Variants in CPLX4 observed in about 807,000 individuals in gnomAD.
CPLX4 encodes complexin 4.
In CPLX4, 17 loss-of-function variants were observed where a neutral mutation model predicts 16.1. That is an observed-to-expected ratio of 1.06 (90% CI 0.72 to 1.59). The LOEUF (loss-of-function observed/expected upper bound fraction) is 1.59. CPLX4 is among the 40% of genes most tolerant of loss of function. CPLX4 has a pLI of 0.00. For synonymous variants in CPLX4, 55 were observed against 57.8 expected (o/e 0.95, Z 0.22); for missense variants, 193 against 192.9 (o/e 1.00, Z 0.00).
intron 1 of CPLX4, among the ~76,000 whole-genome samples, chr18:59,317,682 A>G (rs1353757216): frequency 1.3e-5 from 2 of 152,086 alleles, no homozygotes; most frequent in Non-Finnish European, 2.9e-5. Flanking sequence ...ATTTTATGTC[A>G]TAGGTATATG....
At chr18:59,309,745 C>A (rs1254464178) in intron 2 of CPLX4, among the ~76,000 whole-genome samples, 1 of 147,496 alleles carries the variant, frequency 6.8e-6, no homozygotes, top group East Asian at 2.0e-4. Flanking sequence ...ATGGGGTGAA[C>A]CCAGGAGGCA....
chr18:59,315,415 A>G (rs2070644936), intron 1 of CPLX4, among the ~76,000 whole-genome samples: 1 of 152,258 alleles, frequency 6.6e-6, no homozygotes, highest in East Asian at 1.9e-4. Flanking sequence ...AGTTCTTCAT[A>G]TTTCCTAGAT....
intron 1 of CPLX4, among the ~76,000 whole-genome samples, chr18:59,314,239 G>A (rs987836726): frequency 2.0e-5 from 3 of 152,122 alleles, no homozygotes; most frequent in African/African-American, 7.2e-5. Context: ...TGGACAAGCA[G>A]CAGACCTTTT....
In CPLX4 at chr18:59,312,768, C is replaced by A. The variant is rs773389769; in HGVS notation, c.172G>T (p.Glu58Ter). Residue 58 changes from glutamate (E) to a stop codon, truncating the protein, a stop_gained, in exon 2 of 3, where the codon GAA becomes TAA. Coordinates refer to ENST00000299721, the MANE Select transcript of CPLX4 (RefSeq NM_181654.4). LOFTEE classifies it high-confidence loss of function. ...YQKQMIEEKM[E>*]RDAAFTQKKA... ...TTCTGTGTAAATGCAGCATCTCTTT[C>A]CATCCTAAAAGTTAAAGAATAAAGG... 1.5e-6 allele frequency: 2 copies of A among 1,307,474 alleles called. No individual in the cohort carries two copies. Among genetic ancestry groups the A allele is most frequent in the South Asian group, 2.4e-5 (2 of 84,490 alleles). 81.0% of individuals were successfully genotyped at this position (1,307,474 alleles called of 1,614,324 possible).
At chr18:59,305,381 A>G (rs1051382392) in intron 2 of CPLX4, among the ~76,000 whole-genome samples, 2 of 151,782 alleles carry the variant, frequency 1.3e-5, no homozygotes, top group African/African-American at 4.8e-5. Context: ...ACAAACAAAC[A>G]AAAAACAGGA....
At chr18:59,297,038 G>A (rs7228681) in intron 2 of CPLX4, 113 bp from the exon 3 acceptor site, 404,349 of 1,456,132 alleles carry the variant, frequency 0.28, 57,543 homozygotes, top group South Asian at 0.35. Flanking sequence ...GAAGTGAGTG[G>A]CACTCTTGGC....
intron 2 of CPLX4, among the ~76,000 whole-genome samples, chr18:59,311,720 A>T (rs1446181091): frequency 1.3e-5 from 2 of 152,208 alleles, no homozygotes; most frequent in African/African-American, 2.4e-5. Context: ...CAGGTAGTGA[A>T]GGTGGAGTCA....
chr18:59,312,198 G>T (rs1397020191), intron 2 of CPLX4, among the ~76,000 whole-genome samples: 1 of 152,084 alleles, frequency 6.6e-6, no homozygotes, highest in Non-Finnish European at 1.5e-5. Context: ...TGTCCTTGTT[G>T]TGTATTTACA....
chr18:59,303,844 C>T lies in CPLX4; in HGVS notation c.256-6919G>A, dbSNP rs146150456. On this transcript the variant is annotated intron_variant, in intron 2 of 2. Coordinates refer to ENST00000299721, the MANE Select transcript of CPLX4 (RefSeq NM_181654.4). ...AAGGACATGAGTAGGAGGAGCAAAC[C>T]GAACTGGGGCAGGGTGAGGAGGGGA... is the stretch of plus-strand genomic sequence containing the variant. 3.7e-3 allele frequency among the ~76,000 whole-genome samples: 569 copies of T among 152,226 alleles called. 3 individuals carry two copies. Among genetic ancestry groups the T allele is most frequent in the Middle Eastern group, 0.02 (6 of 294 alleles).
chr18:59,305,566 G>A (rs1326143862), intron 2 of CPLX4, among the ~76,000 whole-genome samples: 1 of 152,148 alleles, frequency 6.6e-6, no homozygotes, highest in African/African-American at 2.4e-5. Flanking sequence ...AGCCAGCCTG[G>A]GAGATGATGG....
At chr18:59,312,015 G>A (rs1302544639) in intron 2 of CPLX4, among the ~76,000 whole-genome samples, 2 of 152,092 alleles carry the variant, frequency 1.3e-5, no homozygotes, top group Non-Finnish European at 2.9e-5. Flanking sequence ...CAGGACCGTG[G>A]GCTCTATCTT....
chr18:59,300,939 CT>C (rs2070536479), intron 2 of CPLX4, among the ~76,000 whole-genome samples: 4 of 152,238 alleles, frequency 2.6e-5, no homozygotes, highest in Admixed American at 2.6e-4. Flanking sequence ...CTAGCCAGCC[CT>C]AGCTCCCCTT....
At chr18:59,298,899 T>A (rs1447124782) in intron 2 of CPLX4, among the ~76,000 whole-genome samples, 1 of 152,130 alleles carries the variant, frequency 6.6e-6, no homozygotes, top group Non-Finnish European at 1.5e-5. Context: ...GACACAGGAG[T>A]CTGGCTCAAG....
intron 2 of CPLX4, among the ~76,000 whole-genome samples, chr18:59,311,913 G>GTCTT (rs2070619563): frequency 2.0e-5 from 3 of 152,200 alleles, no homozygotes; most frequent in Admixed American, 6.5e-5. Flanking sequence ...AGATGCATAA[G>GTCTT]ATGGTGCTAG....
chr18:59,308,009 C>T (rs1032257452), intron 2 of CPLX4, among the ~76,000 whole-genome samples: 2 of 151,798 alleles, frequency 1.3e-5, no homozygotes, highest in African/African-American at 4.8e-5. Flanking sequence ...AACTCTTGAC[C>T]TCAGGTGATC....
At chr18:59,305,285 G>A (rs1364573720) in intron 2 of CPLX4, among the ~76,000 whole-genome samples, 1 of 152,104 alleles carries the variant, frequency 6.6e-6, no homozygotes, top group African/African-American at 2.4e-5. Flanking sequence ...GGTGAGGCTG[G>A]AGAGACAGGA....
At chr18:59,298,092 T>A (rs1057387383) in intron 2 of CPLX4, among the ~76,000 whole-genome samples, 5 of 149,882 alleles carry the variant, frequency 3.3e-5, no homozygotes, top group Admixed American at 3.3e-4. Flanking sequence ...GAGATTCCTT[T>A]ATTTTTTTTT....
chr18:59,299,831 C>T (rs2070527914), intron 2 of CPLX4, among the ~76,000 whole-genome samples: 1 of 152,222 alleles, frequency 6.6e-6, no homozygotes, highest in African/African-American at 2.4e-5. Context: ...GATGCACGTG[C>T]TGGGACCCTA....
intron 2 of CPLX4, among the ~76,000 whole-genome samples, chr18:59,309,405 AC>A (rs1312601571): frequency 1.3e-5 from 2 of 152,238 alleles, no homozygotes; most frequent in Admixed American, 6.5e-5. Context: ...TGGAATTTAG[AC>A]AGCTACTTGC....
Sources: gnomAD v4.1 joint callset for allele counts (sites outside exome capture counted in the v4.1 genomes callset) on GRCh38, gnomAD v4.1.1 for gene constraint, MANE v1.5 for transcripts, NCBI Gene and HGNC (gene_info 2026-07-23, HGNC 2026-07-21) for gene names.